Variants in VWC2L observed in about 807,000 individuals in gnomAD.
VWC2L encodes von Willebrand factor C domain containing 2 like, also known as von Willebrand factor C domain-containing protein 2-like.
VWC2L carries 10 observed loss-of-function variants against 21.6 expected under a neutral mutation model. That is an observed-to-expected ratio of 0.46 (90% CI 0.29 to 0.78). The LOEUF (loss-of-function observed/expected upper bound fraction) is 0.78. Ranked by LOEUF, VWC2L falls within the 30% of genes least tolerant of loss-of-function variation. The pLI, the probability that VWC2L is intolerant of heterozygous loss-of-function variation, is 0.10. For missense variants in VWC2L, 209 were observed against 277.1 expected (o/e 0.75, Z 1.74); for synonymous variants, 96 against 94.3 (o/e 1.02, Z -0.10).
At chr2:214,480,056 ATAAG>A (rs1402720070) in intron 3 of VWC2L, among the ~76,000 whole-genome samples, 2 of 151,960 alleles carry the variant, frequency 1.3e-5, no homozygotes, top group Admixed American at 6.5e-5. Context: ...ATTACATATT[ATAAG>A]TAATATAGAG....
intron 3 of VWC2L, among the ~76,000 whole-genome samples, chr2:214,488,377 T>G (rs533995052): frequency 2.2e-4 from 34 of 152,260 alleles, no homozygotes; most frequent in Admixed American, 1.4e-3. Flanking sequence ...GCAGGTAGAT[T>G]GCTTGAGCTC....
chr2:214,435,912 T>A (rs1416792654), intron 2 of VWC2L, among the ~76,000 whole-genome samples: 1 of 152,158 alleles, frequency 6.6e-6, no homozygotes, highest in Non-Finnish European at 1.5e-5. Context: ...CAAATGTTCT[T>A]TTCTGATGTT....
chr2:214,505,141 C>A (rs1688950298), intron 3 of VWC2L, among the ~76,000 whole-genome samples: 2 of 152,190 alleles, frequency 1.3e-5, no homozygotes, highest in Admixed American at 1.3e-4. Context: ...ATTTTGGCTA[C>A]TGAAGTAGCC....
intron 3 of VWC2L, among the ~76,000 whole-genome samples, chr2:214,566,460 A>G (rs1690064113): frequency 6.6e-6 from 1 of 152,204 alleles, no homozygotes; most frequent in Non-Finnish European, 1.5e-5. Flanking sequence ...GAGCTCTCAG[A>G]CTGAAATTTG....
chr2:214,524,710 T>TGGCG (rs1689299919), intron 3 of VWC2L, among the ~76,000 whole-genome samples: 1 of 152,170 alleles, frequency 6.6e-6, no homozygotes, highest in South Asian at 2.1e-4. Context: ...AAGTTGATGA[T>TGGCG]GCCGCATCAA....
At chr2:214,561,761 G>A (rs1230262108) in intron 3 of VWC2L, among the ~76,000 whole-genome samples, 2 of 125,320 alleles carry the variant, frequency 1.6e-5, no homozygotes, top group Non-Finnish European at 3.3e-5. Flanking sequence ...GGCAACCAGA[G>A]TAATACCTTA....
In VWC2L at chr2:214,451,678, A is replaced by G. The variant is rs139937711; in HGVS notation, c.520+14920A>G. On this transcript the variant is annotated intron_variant, in intron 3 of 3. Coordinates refer to ENST00000312504, the MANE Select transcript of VWC2L (RefSeq NM_001080500.4). ...AGCAAAAGTCACTCAAGAAGGCACA[A>G]TAATGAAAGGAAAGGCAATGTGAGA... Among the ~76,000 whole-genome samples, 1,269 of 152,330 alleles carry G rather than the reference A, an allele frequency of 8.3e-3. 11 individuals are homozygous for G. Among genetic ancestry groups the G allele is most frequent in the Middle Eastern group, 0.024 (7 of 294 alleles).
chr2:214,524,679 C>T (rs1190417350), intron 3 of VWC2L, among the ~76,000 whole-genome samples: 2 of 152,122 alleles, frequency 1.3e-5, no homozygotes, highest in Non-Finnish European at 2.9e-5. Context: ...CACTCTAGAA[C>T]GTAATTACAG....
At chr2:214,502,571 AAAAC>A (rs1392134004) in intron 3 of VWC2L, among the ~76,000 whole-genome samples, 1 of 127,518 alleles carries the variant, frequency 7.8e-6, no homozygotes, top group African/African-American at 2.5e-5. Context: ...CTCCACGTCA[AAAAC>A]AAACAAAAAA....
At chr2:214,430,606 T>C (rs1702586440) in intron 2 of VWC2L, among the ~76,000 whole-genome samples, 1 of 152,178 alleles carries the variant, frequency 6.6e-6, no homozygotes, top group Admixed American at 6.5e-5. Flanking sequence ...TATATCTACA[T>C]GGGCAAAGCT....
At chr2:214,525,841 G>GT (rs1184998191) in intron 3 of VWC2L, among the ~76,000 whole-genome samples, 1 of 152,158 alleles carries the variant, frequency 6.6e-6, no homozygotes, top group Non-Finnish European at 1.5e-5. Context: ...AAAACACAAT[G>GT]TGAGTGTGGT....
intron 3 of VWC2L, among the ~76,000 whole-genome samples, chr2:214,566,708 G>A (rs903061657): frequency 6.6e-6 from 1 of 152,088 alleles, no homozygotes; most frequent in Admixed American, 6.6e-5. Flanking sequence ...TCATCACCAC[G>A]CTCTTCCCAG....
At chr2:214,505,491 T>C (rs1428652381) in intron 3 of VWC2L, among the ~76,000 whole-genome samples, 1 of 152,184 alleles carries the variant, frequency 6.6e-6, no homozygotes, top group Non-Finnish European at 1.5e-5. Flanking sequence ...TTTTTTCCTT[T>C]TTTTTCTGAT....
At chr2:214,468,490 G>T (rs1214636422) in intron 3 of VWC2L, among the ~76,000 whole-genome samples, 1 of 151,992 alleles carries the variant, frequency 6.6e-6, no homozygotes, top group African/African-American at 2.4e-5. Flanking sequence ...TTTAATAAGG[G>T]GTTTTCTAAT....
chr2:214,556,662 C>T (rs1022869551), intron 3 of VWC2L, among the ~76,000 whole-genome samples: 1 of 152,156 alleles, frequency 6.6e-6, no homozygotes, highest in African/African-American at 2.4e-5. Flanking sequence ...TTTATGCACA[C>T]GCTAATTCTG....
At chr2:214,472,778 G>C (rs1345776610) in intron 3 of VWC2L, among the ~76,000 whole-genome samples, 1 of 152,140 alleles carries the variant, frequency 6.6e-6, no homozygotes, top group Non-Finnish European at 1.5e-5. Context: ...TAGAAAATTT[G>C]TTTAGAAATT....
chr2:214,531,152 A>G (rs1408684268), intron 3 of VWC2L, among the ~76,000 whole-genome samples: 1 of 152,196 alleles, frequency 6.6e-6, no homozygotes, highest in Admixed American at 6.5e-5. Context: ...GGACCTTCCA[A>G]CCAACATTTT....
At chr2:214,484,826 G>A (rs541250732) in intron 3 of VWC2L, among the ~76,000 whole-genome samples, 41 of 152,226 alleles carry the variant, frequency 2.7e-4, no homozygotes, top group African/African-American at 9.6e-4. Context: ...CAAGCTAAAT[G>A]TTCTCACAAG....
chr2:214,411,060 G>C lies in VWC2L; in HGVS notation c.-807G>C, dbSNP rs980308760. 6.6e-6 allele frequency: 1 copy of C among 152,158 alleles called. No homozygotes were observed. Among genetic ancestry groups the C allele is most frequent in the Non-Finnish European group, 1.5e-5 (1 of 68,034 alleles). The allele number at this position is 152,158 out of a possible 1,614,324, so 9.4% of individuals were successfully genotyped here. On this transcript the variant is annotated 5_prime_UTR_variant, in exon 1 of 4. Coordinates refer to ENST00000312504, the MANE Select transcript of VWC2L (RefSeq NM_001080500.4). ...ACTGCTTGGAGAGCACTCTAGCCTC[G>C]TCTAAAGCAGCTCTGGGATTTCGAC... is the stretch of plus-strand genomic sequence containing the variant.
Sources: gnomAD v4.1 joint callset for allele counts (sites outside exome capture counted in the v4.1 genomes callset) on GRCh38, gnomAD v4.1.1 for gene constraint, MANE v1.5 for transcripts, NCBI Gene and HGNC (gene_info 2026-07-23, HGNC 2026-07-21) for gene names.